GDA: variants seen among roughly 807,000 people sequenced by gnomAD.
The protein encoded by GDA is cytoplasmic PSD-95 interactor.
A neutral mutation model predicts 59.6 loss-of-function variants in GDA; 18 were observed. The ratio of observed to expected loss-of-function variants is 0.30; its 90% CI spans 0.21 to 0.45. GDA has a LOEUF of 0.45. Ranked by LOEUF, GDA falls within the 20% of genes least tolerant of loss-of-function variation. GDA has a pLI of 1.00. For missense variants in GDA, 427 were observed against 552.3 expected, an observed-to-expected ratio of 0.77 and a Z score of 2.27; for synonymous variants, 201 against 201.1, an observed-to-expected ratio of 1.00 and a Z score of 0.00.
intron 1 of GDA, among the ~76,000 whole-genome samples, chr9:72,180,925 A>G (rs1441811900): frequency 6.6e-6 from 1 of 152,176 alleles, no homozygotes; most frequent in Non-Finnish European, 1.5e-5. Context: ...AGGTGCTACA[A>G]ATGTGAGATC....
At chr9:72,201,326 G>A (rs1273684066) in intron 2 of GDA, among the ~76,000 whole-genome samples, 2 of 152,020 alleles carry the variant, frequency 1.3e-5, no homozygotes, top group Non-Finnish European at 2.9e-5. Context: ...GATGATGTAT[G>A]TAGAACGCTG....
At chr9:72,212,859 T>C (rs1262422528) in intron 4 of GDA, among the ~76,000 whole-genome samples, 3 of 152,106 alleles carry the variant, frequency 2.0e-5, no homozygotes. Context: ...AGAGTCTTTC[T>C]TTAGGACCTG....
At chr9:72,168,390 CTTT>C (rs77778231) in intron 1 of GDA, among the ~76,000 whole-genome samples, 4 of 105,908 alleles carry the variant, frequency 3.8e-5, no homozygotes, top group Non-Finnish European at 3.7e-5. Context: ...GAGACTTTGT[CTTT>C]TTTTTTTTTT....
At chr9:72,202,467 T>A (rs896256542) in intron 2 of GDA, 104 bp from the exon 3 acceptor site, 51 of 718,014 alleles carry the variant, frequency 7.1e-5, no homozygotes, top group Non-Finnish European at 8.9e-5. Context: ...TATAAACCTG[T>A]GTGGGTGAAC....
At chr9:72,128,853 A>C (rs569635747) in intron 1 of GDA, among the ~76,000 whole-genome samples, 2 of 152,162 alleles carry the variant, frequency 1.3e-5, no homozygotes, top group South Asian at 4.2e-4. Flanking sequence ...AAATATACAA[A>C]TACACTTCTC....
chr9:72,210,289 T>A (rs1043220176), intron 3 of GDA, among the ~76,000 whole-genome samples: 1 of 152,242 alleles, frequency 6.6e-6, no homozygotes, highest in Non-Finnish European at 1.5e-5. Flanking sequence ...AGGAGATAGA[T>A]ATATGTGATT....
intron 1 of GDA, among the ~76,000 whole-genome samples, chr9:72,151,564 A>G (rs751455891): frequency 5.9e-5 from 9 of 152,104 alleles, no homozygotes; most frequent in Non-Finnish European, 1.2e-4. Flanking sequence ...GGAATACAGA[A>G]ATATGTTGAA....
intron 1 of GDA, among the ~76,000 whole-genome samples, chr9:72,137,350 C>T (rs1016676646): frequency 1.3e-5 from 2 of 149,784 alleles, no homozygotes; most frequent in Non-Finnish European, 3.0e-5. Context: ...GGGTTCACAC[C>T]ATTCTCCTGC....
chr9:72,178,124 C>T (rs976036506), intron 1 of GDA, among the ~76,000 whole-genome samples: 1 of 152,208 alleles, frequency 6.6e-6, no homozygotes, highest in Non-Finnish European at 1.5e-5. Flanking sequence ...ATAATAGATG[C>T]ACAGTGACTA....
chr9:72,192,379 C>T (rs1223919669), intron 1 of GDA, among the ~76,000 whole-genome samples: 1 of 150,284 alleles, frequency 6.7e-6, no homozygotes, highest in Non-Finnish European at 1.5e-5. Flanking sequence ...TTACAGGTGC[C>T]CACCACCACG....
At chr9:72,247,571 A>T in intron 13 of GDA, 138 bp downstream of exon 13, 2 of 626,426 alleles carry the variant, frequency 3.2e-6, no homozygotes, top group East Asian at 5.4e-5. Context: ...TTATTTTTTT[A>T]ACAGTCTGAA....
At chr9:72,206,371 T>C (rs1834705645) in intron 3 of GDA, among the ~76,000 whole-genome samples, 1 of 152,200 alleles carries the variant, frequency 6.6e-6, no homozygotes. Flanking sequence ...TAGTTCCATT[T>C]TTTTTTGCCG....
At chr9:72,148,063 C>T (rs542265911), upstream of GDA, among the ~76,000 whole-genome samples, 3 of 152,180 alleles carry the variant, frequency 2.0e-5, no homozygotes, top group South Asian at 2.1e-4. Context: ...GAGAAGGGAA[C>T]GAATCATTTC....
At chr9:72,139,153 A>C (rs571744379) in intron 1 of GDA, among the ~76,000 whole-genome samples, 2 of 152,190 alleles carry the variant, frequency 1.3e-5, no homozygotes, top group Non-Finnish European at 2.9e-5. Flanking sequence ...AAATGATCAA[A>C]GTAGGGCTTT....
chr9:72,217,267 A>G (rs1383676624), intron 5 of GDA, among the ~76,000 whole-genome samples: 1 of 152,156 alleles, frequency 6.6e-6, no homozygotes, highest in African/African-American at 2.4e-5. Context: ...TAAAAGGAAG[A>G]TTTTGTACAG....
At chr9:72,232,436 A>G (rs1379251426) in intron 10 of GDA, among the ~76,000 whole-genome samples, 3 of 152,234 alleles carry the variant, frequency 2.0e-5, no homozygotes, top group African/African-American at 7.2e-5. Flanking sequence ...CAAGATTTTG[A>G]AAATTCTAAT....
chr9:72,237,142 A>G (rs1839100267), intron 10 of GDA, among the ~76,000 whole-genome samples: 1 of 151,846 alleles, frequency 6.6e-6, no homozygotes, highest in Non-Finnish European at 1.5e-5. Context: ...GCCTCCCTTC[A>G]TGGCAAAGCT....
chr9:72,178,413 A>ATTTTTTTTTTTTTTTTTTTTTTTTTTTTT, intron 1 of GDA, among the ~76,000 whole-genome samples: 1 of 117,170 alleles, frequency 8.5e-6, no homozygotes, highest in Non-Finnish European at 1.7e-5. Flanking sequence ...TGGAATCGAT[A>ATTTTTTTTTTTTTTTTTTTTTTTTTTTTT]TTTTTTTTTT....
chr9:72,222,375 G>A (rs1356706701), intron 6 of GDA, among the ~76,000 whole-genome samples: 1 of 152,118 alleles, frequency 6.6e-6, no homozygotes, highest in Non-Finnish European at 1.5e-5. Context: ...ACAGTGAAAA[G>A]TGTCTGTTCA....
Sources: allele counts gnomAD v4.1 joint callset (sites outside exome capture counted in the v4.1 genomes callset), GRCh38; gene constraint gnomAD v4.1.1; transcripts MANE v1.5; gene names NCBI Gene and HGNC (gene_info 2026-07-23, HGNC 2026-07-21).